FRMD4B: variants seen among roughly 807,000 people sequenced by gnomAD.
FRMD4B encodes the protein FERM domain-containing protein 4B.
Under a neutral mutation model 141.5 loss-of-function variants are expected in FRMD4B, and 74 were observed. That is an observed-to-expected ratio of 0.52 (90% CI 0.43 to 0.63). FRMD4B has a LOEUF of 0.63. FRMD4B is among the 30% of genes least tolerant of loss of function. The probability of loss-of-function intolerance (pLI) is 0.00; values close to 1 mark genes in which losing one functional copy is unlikely to be tolerated. For synonymous variants in FRMD4B, 506 were observed against 467.9 expected (o/e 1.08, Z -1.05); for missense variants, 1,366 against 1,253.4 (o/e 1.09, Z -1.36).
At chr3:69,508,452 C>T (rs1398696554) in intron 1 of FRMD4B, among the ~76,000 whole-genome samples, 2 of 152,116 alleles carry the variant, frequency 1.3e-5, no homozygotes, top group Non-Finnish European at 2.9e-5. Flanking sequence ...TACATGGCTT[C>T]CAACGTGGTT....
At chr3:69,292,279 TGA>T (rs1700899307) in intron 4 of FRMD4B, among the ~76,000 whole-genome samples, 1 of 152,132 alleles carries the variant, frequency 6.6e-6, no homozygotes, top group Non-Finnish European at 1.5e-5. Context: ...ACAGTTGAGC[TGA>T]GTCTTAAAGA....
At chr3:69,507,267 T>A (rs1706611995) in intron 1 of FRMD4B, among the ~76,000 whole-genome samples, 1 of 152,188 alleles carries the variant, frequency 6.6e-6, no homozygotes, top group Non-Finnish European at 1.5e-5. Context: ...AAGGTCCATC[T>A]CTCTTCAACC....
chr3:69,182,765 T>A lies in FRMD4B; in HGVS notation c.1920-48A>T, dbSNP rs1190809474. On this transcript the variant is annotated intron_variant, in intron 19 of 22. Coordinates refer to ENST00000398540, the MANE Select transcript of FRMD4B (RefSeq NM_015123.3). ...TCAGGAAATGATGAGTCTCTCAACA[T>A]CTCTGGCAAACTTGTCATAAGCAGA... 5 of 1,589,830 alleles carry A rather than the reference T, an allele frequency of 3.1e-6. No homozygotes were observed. The South Asian group carries it at 5.7e-5, about 18-fold the overall frequency.
intron 4 of FRMD4B, chr3:69,292,970 A>G (rs906373484): frequency 2.0e-5 from 9 of 448,526 alleles, no homozygotes; most frequent in African/African-American, 1.2e-4. Flanking sequence ...TTTGGAGACA[A>G]ACCTCGGCTT....
chr3:69,452,653 G>A (rs1705520042), intron 1 of FRMD4B, among the ~76,000 whole-genome samples: 1 of 152,212 alleles, frequency 6.6e-6, no homozygotes, highest in African/African-American at 2.4e-5. Context: ...TGATGAAACA[G>A]AGAGAAACTA....
At chr3:69,172,777 A>G (rs909843072) in intron 22 of FRMD4B, among the ~76,000 whole-genome samples, 6 of 152,288 alleles carry the variant, frequency 3.9e-5, no homozygotes, top group African/African-American at 1.4e-4. Context: ...CCATTCCGAT[A>G]AGCAAAACCC....
chr3:69,446,035 A>G (rs1705405910), intron 1 of FRMD4B, among the ~76,000 whole-genome samples: 1 of 151,990 alleles, frequency 6.6e-6, no homozygotes, highest in Non-Finnish European at 1.5e-5. Context: ...TTATTTATTT[A>G]TTTATTTTCT....
intron 1 of FRMD4B, among the ~76,000 whole-genome samples, chr3:69,520,041 TATTCCATCC>T (rs1289923946): frequency 8.2e-6 from 1 of 122,104 alleles, no homozygotes; most frequent in African/African-American, 4.1e-5. Context: ...CATATATATA[TATTCCATCC>T]ATATATATAT....
At chr3:69,512,912 G>C (rs1173362738) in intron 1 of FRMD4B, among the ~76,000 whole-genome samples, 3 of 152,128 alleles carry the variant, frequency 2.0e-5, no homozygotes, top group East Asian at 1.9e-4. Flanking sequence ...TGCAGTGAAA[G>C]CAGTCATAAG....
chr3:69,373,800 A>C (rs1279530972), intron 1 of FRMD4B, among the ~76,000 whole-genome samples: 1 of 152,168 alleles, frequency 6.6e-6, no homozygotes, highest in Non-Finnish European at 1.5e-5. Flanking sequence ...TTGAACCCAG[A>C]AGCTTAACAC....
chr3:69,432,645 A>G (rs1705199469), exon 2 of FRMD4B: 1 of 152,194 alleles, frequency 6.6e-6, no homozygotes, highest in South Asian at 2.1e-4. Flanking sequence ...TTTAACTAGT[A>G]AGTATTCTCT....
chr3:69,285,226 G>T (rs937737172), intron 5 of FRMD4B, among the ~76,000 whole-genome samples: 1 of 145,196 alleles, frequency 6.9e-6, no homozygotes, highest in African/African-American at 2.5e-5. Context: ...GGGATTAATG[G>T]CAGATTAGAT....
intron 4 of FRMD4B, among the ~76,000 whole-genome samples, chr3:69,294,467 G>A (rs188077866): frequency 6.6e-6 from 1 of 152,304 alleles, no homozygotes; most frequent in Non-Finnish European, 1.5e-5. Context: ...TCTGTGGGAG[G>A]GGAACAGTCT....
In FRMD4B at chr3:69,171,691, G is replaced by A. The variant is rs1340211313; in HGVS notation, c.*170C>T. 1.6e-6 allele frequency: 1 copy of A among 644,012 alleles called. No individual in the cohort carries two copies. The highest frequency in any genetic ancestry group is 2.7e-6 in the Non-Finnish European group (1 of 370,788). 39.9% of individuals were successfully genotyped at this position (644,012 alleles called of 1,614,324 possible). The stretch of plus-strand genomic sequence containing the variant: ...GGCCAAATCCTCCTTTAGGGGCTTT[G>A]TGGGGCTTGGTGTGTGATTCACTGA... On this transcript the variant is annotated 3_prime_UTR_variant, in exon 23 of 23. Transcript: ENST00000398540.
chr3:69,218,813 C>T (rs1575621766), intron 9 of FRMD4B, among the ~76,000 whole-genome samples: 1 of 152,108 alleles, frequency 6.6e-6, no homozygotes, highest in East Asian at 1.9e-4. Context: ...GTCAAAACTC[C>T]TAGAAATATA....
At chr3:69,338,527 T>C (rs1308248373) in intron 1 of FRMD4B, among the ~76,000 whole-genome samples, 1 of 151,920 alleles carries the variant, frequency 6.6e-6, no homozygotes, top group Non-Finnish European at 1.5e-5. Flanking sequence ...AAAATGTCCT[T>C]TGCAACAACA....
At chr3:69,258,676 A>G (rs2093507584) in intron 5 of FRMD4B, among the ~76,000 whole-genome samples, 1 of 152,072 alleles carries the variant, frequency 6.6e-6, no homozygotes, top group South Asian at 2.1e-4. Flanking sequence ...GTTTGATCTG[A>G]GTTGCGTATA....
At chr3:69,233,116 A>T (rs1008190167) in intron 7 of FRMD4B, among the ~76,000 whole-genome samples, 5 of 151,926 alleles carry the variant, frequency 3.3e-5, no homozygotes, top group Non-Finnish European at 5.9e-5. Flanking sequence ...AAAGGTGCAT[A>T]AAAAATGTAT....
intron 1 of FRMD4B, among the ~76,000 whole-genome samples, chr3:69,476,232 CT>C (rs1705995264): frequency 6.6e-6 from 1 of 151,874 alleles, no homozygotes; most frequent in African/African-American, 2.4e-5. Flanking sequence ...TCAATTTTGG[CT>C]TTTGTTGCCA....
Sources: gnomAD v4.1 joint callset for allele counts (sites outside exome capture counted in the v4.1 genomes callset) on GRCh38, gnomAD v4.1.1 for gene constraint, MANE v1.5 for transcripts, NCBI Gene and HGNC (gene_info 2026-07-23, HGNC 2026-07-21) for gene names.